BMPR1B: variants seen among roughly 807,000 people sequenced by gnomAD.
The protein encoded by BMPR1B is bone morphogenetic protein receptor type-1B.
BMPR1B carries 12 observed loss-of-function variants against 59.1 expected under a neutral mutation model. That is an observed-to-expected ratio of 0.20 (90% CI 0.13 to 0.33). The LOEUF (loss-of-function observed/expected upper bound fraction) is 0.33, where lower values mean the gene tolerates loss of function less well. Among genes scored for constraint, BMPR1B ranks in the 10% least tolerant of loss-of-function variants. BMPR1B has a pLI of 1.00. For synonymous variants in BMPR1B, 237 were observed against 207.3 expected (o/e 1.14, Z -1.23); for missense variants, 550 against 610.9 (o/e 0.90, Z 1.05).
intron 2 of BMPR1B, among the ~76,000 whole-genome samples, chr4:94,908,403 A>G (rs1728148987): frequency 6.6e-6 from 1 of 150,816 alleles, no homozygotes; most frequent in East Asian, 2.0e-4. Context: ...TTATTTTTGC[A>G]TGATCTCTGT....
intron 2 of BMPR1B, among the ~76,000 whole-genome samples, chr4:94,993,136 C>T (rs1721852060): frequency 6.6e-6 from 1 of 152,192 alleles, no homozygotes; most frequent in Non-Finnish European, 1.5e-5. Context: ...AGAAATCCTT[C>T]TGCCTTGGCT....
At chr4:95,009,180 C>T (rs1447633619) in intron 3 of BMPR1B, among the ~76,000 whole-genome samples, 1 of 152,182 alleles carries the variant, frequency 6.6e-6, no homozygotes, top group Non-Finnish European at 1.5e-5. Context: ...TCATTCACTG[C>T]TAATGGCGAT....
intron 1 of BMPR1B, among the ~76,000 whole-genome samples, chr4:94,812,578 A>G (rs1270349728): frequency 6.6e-6 from 1 of 152,170 alleles, no homozygotes; most frequent in Non-Finnish European, 1.5e-5. Context: ...TTTATATCTC[A>G]TTATATCAAT....
chr4:95,002,353 T>C (rs893775500), intron 3 of BMPR1B, among the ~76,000 whole-genome samples: 7 of 152,220 alleles, frequency 4.6e-5, no homozygotes, highest in African/African-American at 1.7e-4. Context: ...GGTGCATATG[T>C]ACCACATTTT....
chr4:94,765,971 T>G (rs1721953662), intron 1 of BMPR1B, among the ~76,000 whole-genome samples: 1 of 152,164 alleles, frequency 6.6e-6, no homozygotes, highest in South Asian at 2.1e-4. Flanking sequence ...TGTTTTTGTT[T>G]CATCATCTGT....
At chr4:94,837,986 CAA>C (rs1181077356) in intron 1 of BMPR1B, among the ~76,000 whole-genome samples, 1 of 133,458 alleles carries the variant, frequency 7.5e-6, no homozygotes, top group African/African-American at 2.9e-5. Flanking sequence ...TGAATTTTGT[CAA>C]AGGCTTTTTC....
intron 2 of BMPR1B, among the ~76,000 whole-genome samples, chr4:94,893,090 CACTA>C (rs1298727027): frequency 6.6e-5 from 10 of 151,756 alleles, no homozygotes; most frequent in African/African-American, 2.4e-4. Flanking sequence ...GGTATAGTGT[CACTA>C]ACTTGTATTA....
intron 1 of BMPR1B, among the ~76,000 whole-genome samples, chr4:94,783,691 G>A (rs566263733): frequency 6.6e-6 from 1 of 152,294 alleles, no homozygotes; most frequent in African/African-American, 2.4e-5. Context: ...TGGAAACTTT[G>A]CACTATGAAT....
rs527556071 is a variant in BMPR1B at position 94,842,761 on chromosome 4, C to G, written c.-182-33070C>G. 5.2e-3 allele frequency among the ~76,000 whole-genome samples: 786 copies of G among 152,214 alleles called. 5 individuals are homozygous for G. The highest frequency in any genetic ancestry group is 0.018 in the African/African-American group (751 of 41,526). ...TTGAAAACTAGAATTGAACTCTTAACCCCAGGTTTCCTCTGTGATAATTAT... is the reference window on the plus strand; with the variant it reads ...TTGAAAACTAGAATTGAACTCTTAAGCCCAGGTTTCCTCTGTGATAATTAT... On this transcript the variant is annotated intron_variant, in intron 1 of 12. Transcript: ENST00000515059.
intron 1 of BMPR1B, among the ~76,000 whole-genome samples, chr4:94,817,450 A>T (rs1724052527): frequency 6.6e-6 from 1 of 152,086 alleles, no homozygotes. Context: ...TGCTTTGATG[A>T]GTTCAGATTC....
At chr4:95,056,562 C>T (rs1333998862) in intron 3 of BMPR1B, among the ~76,000 whole-genome samples, 1 of 152,184 alleles carries the variant, frequency 6.6e-6, no homozygotes, top group Non-Finnish European at 1.5e-5. Flanking sequence ...ATCTCCTTGT[C>T]TATGTCTGTC....
chr4:94,949,248 T>A (rs1729835177), intron 2 of BMPR1B, among the ~76,000 whole-genome samples: 1 of 151,842 alleles, frequency 6.6e-6, no homozygotes, highest in Admixed American at 6.6e-5. Context: ...CCTGTGTTAG[T>A]TTGCTGAGAG....
At chr4:95,077,334 C>T (rs1257839058) in intron 3 of BMPR1B, among the ~76,000 whole-genome samples, 1 of 152,072 alleles carries the variant, frequency 6.6e-6, no homozygotes, top group Non-Finnish European at 1.5e-5. Context: ...TTATATAGGC[C>T]TCAGTCATTT....
intron 3 of BMPR1B, among the ~76,000 whole-genome samples, chr4:95,026,140 T>TTCTTTCTTTCTTTCTTTCTTTCTTTC (rs1560603059): frequency 1.9e-4 from 28 of 149,458 alleles, no homozygotes; most frequent in Middle Eastern, 3.4e-3. Context: ...CTTTCTTTCT[T>TTCTTTCTTTCTTTCTTTCTTTCTTTC]TCTTTCTTTC....
At position 94,884,741 on chromosome 4, in the gene BMPR1B, G is replaced by A. The variant is rs947144098; in HGVS notation, c.-113+8841G>A. On this transcript the variant is annotated intron_variant, in intron 2 of 12. Coordinates refer to ENST00000515059, the MANE Select transcript of BMPR1B (RefSeq NM_001203.3). ...ATTATGATTGAGTAAATGCAGCAATGCCCCCAAACTTCCCTTCTCCATGTA... is the reference window on the plus strand; with the variant it reads ...ATTATGATTGAGTAAATGCAGCAATACCCCCAAACTTCCCTTCTCCATGTA... Among the ~76,000 whole-genome samples, 13 of 152,230 alleles carry A rather than the reference G, an allele frequency of 8.5e-5. No individual in the cohort carries two copies. The East Asian group carries it at 2.5e-3, about 29-fold the overall frequency.
intron 2 of BMPR1B, among the ~76,000 whole-genome samples, chr4:94,887,433 G>C (rs1251109711): frequency 4.4e-5 from 3 of 68,274 alleles, no homozygotes; most frequent in Admixed American, 1.6e-4. Context: ...ACAAGAAGCA[G>C]AAGAAAACTG....
At chr4:94,908,145 A>AGG (rs1728131527) in intron 2 of BMPR1B, among the ~76,000 whole-genome samples, 1 of 147,210 alleles carries the variant, frequency 6.8e-6, no homozygotes, top group South Asian at 2.3e-4. Context: ...AAATAAGTAG[A>AGG]GGAAATTTGA....
intron 3 of BMPR1B, among the ~76,000 whole-genome samples, chr4:95,062,615 G>A (rs191141732): frequency 7.9e-5 from 12 of 152,222 alleles, no homozygotes; most frequent in African/African-American, 2.4e-4. Flanking sequence ...AATAAGAAAC[G>A]TGATCTGCAG....
chr4:94,892,352 G>T (rs1438972236), intron 2 of BMPR1B, among the ~76,000 whole-genome samples: 1 of 152,008 alleles, frequency 6.6e-6, no homozygotes, highest in Non-Finnish European at 1.5e-5. Context: ...AGATCTCCAC[G>T]TGATTTATAT....
Sources: gnomAD v4.1 joint callset for allele counts (sites outside exome capture counted in the v4.1 genomes callset) on GRCh38, gnomAD v4.1.1 for gene constraint, MANE v1.5 for transcripts, NCBI Gene and HGNC (gene_info 2026-07-23, HGNC 2026-07-21) for gene names.